The following RARB variants were observed in gnomAD, a reference collection of about 807,000 sequenced individuals.
The protein encoded by RARB is HBV-activated protein.
In RARB, 17 loss-of-function variants were observed where a neutral mutation model predicts 51.9. The ratio of observed to expected loss-of-function variants is 0.33; its 90% confidence interval spans 0.22 to 0.49. RARB has a LOEUF of 0.49. RARB is among the 20% of genes least tolerant of loss of function. The pLI, the probability that RARB is intolerant of heterozygous loss-of-function variation, is 0.99. For synonymous variants in RARB, 215 were observed against 195.4 expected (o/e 1.10, Z -0.84); for missense variants, 369 against 550.8 (o/e 0.67, Z 3.30).
At chr3:25,155,453 G>A (rs1164888397) in intron 4 of RARB, among the ~76,000 whole-genome samples, 2 of 152,134 alleles carry the variant, frequency 1.3e-5, no homozygotes, top group African/African-American at 4.8e-5. Context: ...GAATTGAATT[G>A]GAACTGAACA....
At position 25,204,462 on chromosome 3, in the gene RARB, T is replaced by C. The variant is rs554781889; in HGVS notation, c.178+29887T>C. 4.1e-3 allele frequency among the ~76,000 whole-genome samples: 619 copies of C among 152,360 alleles called. 8 individuals carry two copies. Among genetic ancestry groups the C allele is most frequent in the Non-Finnish European group, 7.3e-3 (496 of 68,022 alleles). On this transcript the variant is annotated intron_variant, in intron 5 of 11. Coordinates refer to the RARB transcript ENST00000383772. Reference sequence around the variant, plus strand: ...TCTCCGTCCACCTTTGTTCCATTGCTGGTGAGGAGCTGCATTCCTTTAGAG... The same window carrying C: ...TCTCCGTCCACCTTTGTTCCATTGCCGGTGAGGAGCTGCATTCCTTTAGAG...
chr3:25,287,629 G>C (rs79403729), intron 5 of RARB, among the ~76,000 whole-genome samples: 1 of 152,126 alleles, frequency 6.6e-6, no homozygotes, highest in African/African-American at 2.4e-5. Flanking sequence ...GACTTCCTTT[G>C]TATGGGTTTC....
chr3:24,862,011 C>T (rs894192268), intron 2 of RARB, among the ~76,000 whole-genome samples: 2 of 152,156 alleles, frequency 1.3e-5, no homozygotes, highest in East Asian at 1.9e-4. Context: ...ACTACACTTC[C>T]GAAGTTGCTG....
intron 4 of RARB, among the ~76,000 whole-genome samples, chr3:25,576,720 A>C (rs1168050246): frequency 6.6e-6 from 1 of 152,138 alleles, no homozygotes; most frequent in African/African-American, 2.4e-5. Flanking sequence ...CCTTTGCTCG[A>C]AGCCCTCTCT....
At chr3:25,258,647 T>C (rs577039862) in intron 5 of RARB, among the ~76,000 whole-genome samples, 49 of 152,100 alleles carry the variant, frequency 3.2e-4, no homozygotes, top group Middle Eastern at 3.4e-3. Context: ...ACTGAATAAT[T>C]TATAAAGGAA....
chr3:25,037,826 G>A (rs753206672), intron 2 of RARB, among the ~76,000 whole-genome samples: 2 of 152,156 alleles, frequency 1.3e-5, no homozygotes, highest in Non-Finnish European at 1.5e-5. Flanking sequence ...TGTCCTTTGT[G>A]TTGGGGACCT....
intron 5 of RARB, among the ~76,000 whole-genome samples, chr3:25,244,647 T>C (rs2125398084): frequency 6.6e-6 from 1 of 152,326 alleles, no homozygotes; most frequent in Admixed American, 6.5e-5. Context: ...AATCCTGAGT[T>C]CTAATTTGAT....
chr3:25,481,727 G>A (rs1696232973), intron 2 of RARB, among the ~76,000 whole-genome samples: 1 of 152,040 alleles, frequency 6.6e-6, no homozygotes, highest in Admixed American at 6.6e-5. Context: ...TTCTTTCCTG[G>A]TCTCACCTTA....
In RARB at chr3:25,522,416, A is replaced by G. The variant is rs17016632; in HGVS notation, c.448+21093A>G. On this transcript the variant is annotated intron_variant, in intron 3 of 7. Transcript: ENST00000330688. ...ACCCATCACCCTCCTCTGTATACCA[A>G]ACACAGACCGCTTGTCTCTGGCTTT... Among the ~76,000 whole-genome samples, 2,823 of 152,226 alleles carry G rather than the reference A, an allele frequency of 0.019. 199 individuals are homozygous for G. The East Asian group carries it at 0.25, about 13-fold the overall frequency.
chr3:25,540,778 T>C (rs1699344600), intron 3 of RARB, among the ~76,000 whole-genome samples: 1 of 152,218 alleles, frequency 6.6e-6, no homozygotes, highest in Non-Finnish European at 1.5e-5. Context: ...GCATGTATGA[T>C]TTTTGTAATT....
At chr3:25,360,303 C>T (rs1446549387) in intron 5 of RARB, among the ~76,000 whole-genome samples, 2 of 151,826 alleles carry the variant, frequency 1.3e-5, no homozygotes, top group African/African-American at 4.8e-5. Context: ...GCAACACTTG[C>T]TTTTTTTGCT....
At chr3:24,876,753 G>A (rs1414651400) in intron 2 of RARB, among the ~76,000 whole-genome samples, 3 of 152,082 alleles carry the variant, frequency 2.0e-5, no homozygotes, top group Non-Finnish European at 4.4e-5. Context: ...AACTTGCCAT[G>A]TGATATTATG....
Position 24,935,291 on chromosome 3 carries a change from TAAAAAA to T in RARB, c.-380+76541_-380+76546del, listed in dbSNP as rs568793316. ...ATATATCCCACTGAGCTCAAGTAGT[TAAAAAA>T]AGAAAACAGTACTTAATTTATTTCC... is the stretch of plus-strand genomic sequence containing the variant. On this transcript the variant is annotated intron_variant, in intron 2 of 11. Coordinates refer to the RARB transcript ENST00000383772. Among the ~76,000 whole-genome samples, 41 of 152,176 alleles carry T rather than the reference TAAAAAA, an allele frequency of 2.7e-4. No homozygotes were observed. In the South Asian group the frequency reaches 6.0e-3, roughly 22 times the overall value.
At chr3:24,914,511 T>C (rs1695066270) in intron 2 of RARB, among the ~76,000 whole-genome samples, 2 of 152,168 alleles carry the variant, frequency 1.3e-5, no homozygotes, top group Non-Finnish European at 2.9e-5. Context: ...CGATCTTCAG[T>C]ATCCATAAAG....
chr3:25,444,703 G>A (rs534814218), intron 1 of RARB, among the ~76,000 whole-genome samples: 6 of 152,132 alleles, frequency 3.9e-5, no homozygotes, highest in Non-Finnish European at 7.4e-5. Context: ...ATCTCCTGTA[G>A]GAACAAGTAA....
intron 3 of RARB, among the ~76,000 whole-genome samples, chr3:25,096,753 C>G (rs1575158647): frequency 6.6e-6 from 1 of 152,204 alleles, no homozygotes; most frequent in African/African-American, 2.4e-5. Context: ...GGGGTGGACC[C>G]TGCATATTCA....
At chr3:25,169,514 C>G (rs965786983) in intron 4 of RARB, among the ~76,000 whole-genome samples, 1 of 152,068 alleles carries the variant, frequency 6.6e-6, no homozygotes, top group African/African-American at 2.4e-5. Context: ...ACTATAAATG[C>G]AGTATATCAC....
chr3:25,142,287 T>C (rs1700119275), intron 4 of RARB, among the ~76,000 whole-genome samples: 1 of 152,048 alleles, frequency 6.6e-6, no homozygotes, highest in African/African-American at 2.4e-5. Context: ...TTAACCTAGA[T>C]CGTGCCACTG....
chr3:25,102,427 C>T (rs1353848182), intron 3 of RARB, among the ~76,000 whole-genome samples: 1 of 151,970 alleles, frequency 6.6e-6, no homozygotes, highest in Non-Finnish European at 1.5e-5. Flanking sequence ...GTAATCCCAA[C>T]TACTCGGGGG....
Sources: allele counts gnomAD v4.1 joint callset (sites outside exome capture counted in the v4.1 genomes callset), GRCh38; gene constraint gnomAD v4.1.1; transcripts MANE v1.5; gene names NCBI Gene and HGNC (gene_info 2026-07-23, HGNC 2026-07-21).